RNF220: variants seen among roughly 807,000 people sequenced by gnomAD.
RNF220 encodes the protein ring finger protein 220.
RNF220 carries 7 observed loss-of-function variants against 67.1 expected under a neutral mutation model. That is an observed-to-expected ratio of 0.10 (90% CI 0.06 to 0.20). The LOEUF (loss-of-function observed/expected upper bound fraction) is 0.20, where lower values mean the gene tolerates loss of function less well. Ranked by LOEUF, RNF220 falls within the 10% of genes least tolerant of loss-of-function variation. The pLI, the probability that RNF220 is intolerant of heterozygous loss-of-function variation, is 1.00. For synonymous variants in RNF220, 270 were observed against 283.2 expected, an observed-to-expected ratio of 0.95 and a Z score of 0.47; for missense variants, 565 against 740.3, an observed-to-expected ratio of 0.76 and a Z score of 2.75.
intron 2 of RNF220, among the ~76,000 whole-genome samples, chr1:44,593,588 T>G (rs534290530): frequency 6.6e-6 from 1 of 151,886 alleles, no homozygotes; most frequent in Non-Finnish European, 1.5e-5. Flanking sequence ...CTGGGCATGG[T>G]GGCACAGGCC....
At chr1:44,436,528 T>C (rs1650992027) in intron 2 of RNF220, among the ~76,000 whole-genome samples, 2 of 152,184 alleles carry the variant, frequency 1.3e-5, no homozygotes, top group South Asian at 4.1e-4. Context: ...GAAGTGATTT[T>C]GCCCAGTTTA....
intron 8 of RNF220, among the ~76,000 whole-genome samples, chr1:44,640,813 T>C (rs1452478293): frequency 6.6e-6 from 1 of 152,192 alleles, no homozygotes. Flanking sequence ...AATTCCAGTG[T>C]AAAACTCGCC....
Position 44,405,479 on chromosome 1 carries a change from C to T in RNF220, c.-169C>T, listed in dbSNP as rs1647248167. The T allele has an allele frequency of 3.9e-6, 2 of 510,246 alleles. No homozygotes were observed. Among genetic ancestry groups the T allele is most frequent in the Non-Finnish European group, 6.9e-6 (2 of 289,054 alleles). 31.6% of individuals were successfully genotyped at this position (510,246 alleles called of 1,614,324 possible). A position where few individuals can be genotyped will look rare whatever the true frequency, so the allele number is the denominator to read the frequency against. ...CATGCACCACACTCTCCGCCTGCTT[C>T]CCTCCGTGTCCTGAAAAGTGCGACC... On this transcript the variant is annotated 5_prime_UTR_variant, in exon 1 of 15. Transcript: ENST00000361799.
intron 2 of RNF220, among the ~76,000 whole-genome samples, chr1:44,488,727 C>CTTTTTTTTTTTTTTTTTTT (rs55968850): frequency 2.6e-4 from 27 of 102,556 alleles, no homozygotes; most frequent in Admixed American, 3.6e-4. Context: ...TTTCTTTTTT[C>CTTTTTTTTTTTTTTTTTTT]TTTTTTTTTT....
chr1:44,448,356 A>G (rs1557935680), intron 2 of RNF220, among the ~76,000 whole-genome samples: 3 of 152,174 alleles, frequency 2.0e-5, no homozygotes, highest in African/African-American at 4.8e-5. Context: ...ACTTAGATGC[A>G]TGTGCCTGCC....
intron 2 of RNF220, among the ~76,000 whole-genome samples, chr1:44,597,949 C>T (rs1421855684): frequency 1.7e-5 from 2 of 116,916 alleles, no homozygotes; most frequent in Non-Finnish European, 3.3e-5. Context: ...TGTCTCCTCA[C>T]ACCCCACCCC....
intron 2 of RNF220, among the ~76,000 whole-genome samples, chr1:44,545,115 C>G (rs1662017644): frequency 1.3e-5 from 2 of 152,240 alleles, no homozygotes; most frequent in African/African-American, 4.8e-5. Flanking sequence ...TTGCCTCCAC[C>G]CCTTCCATGT....
intron 2 of RNF220, among the ~76,000 whole-genome samples, chr1:44,433,901 G>T (rs1424549063): frequency 2.6e-5 from 4 of 152,202 alleles, no homozygotes; most frequent in African/African-American, 7.2e-5. Flanking sequence ...GGCAGAGATT[G>T]CAGTGAGCCG....
At chr1:44,411,521 G>A (rs991770857) in intron 1 of RNF220, among the ~76,000 whole-genome samples, 8 of 152,124 alleles carry the variant, frequency 5.3e-5, no homozygotes, top group African/African-American at 1.9e-4. Context: ...GGTGTTGTTA[G>A]GGGAGATGAA....
chr1:44,566,107 C>T (rs1663986986), intron 2 of RNF220, among the ~76,000 whole-genome samples: 2 of 152,274 alleles, frequency 1.3e-5, no homozygotes, highest in South Asian at 4.1e-4. Context: ...TCCCTCCCAT[C>T]CCTCCCCCTA....
At chr1:44,616,962 C>T (rs961262394) in intron 3 of RNF220, among the ~76,000 whole-genome samples, 3 of 152,148 alleles carry the variant, frequency 2.0e-5, no homozygotes, top group African/African-American at 7.2e-5. Flanking sequence ...TCTGCACAAC[C>T]CCCTTATCCC....
Position 44,622,050 on chromosome 1 carries a change from G to T in RNF220, c.759-692G>T, listed in dbSNP as rs1456815343. On this transcript the variant is annotated intron_variant, in intron 3 of 14. Transcript: ENST00000361799. The surrounding 1 kb of genome is among the most constrained non-coding windows in gnomAD (Gnocchi z 4.3). ...TTGTTCCATTGTCAGCATCTGTTTA[G>T]CAGGGATTTGTAATACTTTGTGGCT... is the stretch of plus-strand genomic sequence containing the variant. Among the ~76,000 whole-genome samples the T allele has an allele frequency of 6.6e-6, 1 of 152,216 alleles. No homozygotes were observed. The highest frequency in any genetic ancestry group is 1.5e-5 in the Non-Finnish European group (1 of 68,030).
intron 2 of RNF220, among the ~76,000 whole-genome samples, chr1:44,570,732 G>A (rs1457747903): frequency 3.3e-5 from 5 of 151,970 alleles, no homozygotes; most frequent in South Asian, 2.1e-4. Flanking sequence ...CTTCCTTTCC[G>A]GCCCTCCCAC....
chr1:44,575,668 C>T (rs918300523), intron 2 of RNF220, among the ~76,000 whole-genome samples: 2 of 151,952 alleles, frequency 1.3e-5, no homozygotes, highest in African/African-American at 4.8e-5. Context: ...GGCAAGAATG[C>T]GAAGAAAAGG....
chr1:44,477,909 C>A (rs1448609893), intron 2 of RNF220, among the ~76,000 whole-genome samples: 1 of 152,190 alleles, frequency 6.6e-6, no homozygotes, highest in Non-Finnish European at 1.5e-5. Flanking sequence ...CAGTACATTT[C>A]TTTGTGAATA....
chr1:44,481,564 T>C (rs1206357060), intron 2 of RNF220, among the ~76,000 whole-genome samples: 2 of 151,974 alleles, frequency 1.3e-5, no homozygotes, highest in African/African-American at 4.8e-5. Context: ...GGGGGGTACT[T>C]AGAGGATGGG....
chr1:44,489,554 A>G (rs559249865), intron 2 of RNF220, among the ~76,000 whole-genome samples: 6 of 152,380 alleles, frequency 3.9e-5, no homozygotes, highest in African/African-American at 1.4e-4. Flanking sequence ...CTTGGCTGTC[A>G]TCCATCTACC....
intron 2 of RNF220, among the ~76,000 whole-genome samples, chr1:44,608,087 C>A (rs555832339): frequency 1.3e-5 from 2 of 152,240 alleles, no homozygotes; most frequent in East Asian, 3.9e-4. Context: ...CCACAGCTGG[C>A]TAATTTTTTA....
intron 3 of RNF220, 91 bp downstream of exon 3, chr1:44,614,388 C>T: frequency 3.4e-6 from 5 of 1,458,282 alleles, no homozygotes; most frequent in Non-Finnish European, 4.7e-6. Flanking sequence ...GGCCCATACC[C>T]CAGCCCCTCG....
Sources: allele counts gnomAD v4.1 joint callset (sites outside exome capture counted in the v4.1 genomes callset), GRCh38; gene constraint gnomAD v4.1.1; non-coding constraint Gnocchi (gnomAD v3.1); transcripts MANE v1.5; gene names NCBI Gene and HGNC (gene_info 2026-07-23, HGNC 2026-07-21).